The following DNAH9 variants were observed in gnomAD, a reference collection of about 807,000 sequenced individuals.
DNAH9 encodes the protein dynein axonemal heavy chain 9.
DNAH9 carries 345 observed loss-of-function variants against 471.6 expected under a neutral mutation model. The observed-to-expected ratio is 0.73, with a 90% confidence interval of 0.67 to 0.80. DNAH9 has a LOEUF of 0.80. DNAH9 is among the 30% of genes least tolerant of loss of function. The probability of loss-of-function intolerance (pLI) is 0.00; values close to 1 mark genes in which losing one functional copy is unlikely to be tolerated. For synonymous variants in DNAH9, 2,093 were observed against 2,123.6 expected (o/e 0.99, Z 0.40); for missense variants, 5,407 against 5,609.2 (o/e 0.96, Z 1.15).
intron 49 of DNAH9, among the ~76,000 whole-genome samples, chr17:11,838,634 G>A (rs960685785): frequency 4.6e-5 from 7 of 152,166 alleles, no homozygotes; most frequent in Non-Finnish European, 1.0e-4. Flanking sequence ...GGCTTAGAAG[G>A]TGATGTGGCA....
In DNAH9 at chr17:11,669,548, C is replaced by T; in HGVS notation, c.3107C>T (p.Thr1036Ile). The T allele has an allele frequency of 6.2e-7, 1 of 1,614,196 alleles. No homozygotes were observed. Among genetic ancestry groups the T allele is most frequent in the Non-Finnish European group, 8.5e-7 (1 of 1,180,036 alleles). ...TTTCTGCTGTACGGGCACATCCTCA[C>T]TCCGGAAGAAATTGAAGACCATGTG... ...GQFLLYGHIL[T>I]PEEIEDHVED... is the part of the protein sequence containing the mutation. The change falls in exon 17 of 69, where the codon ACT becomes ATT. Residue 1036 changes from threonine (T) to isoleucine (I), a missense_variant. Coordinates refer to ENST00000262442, the MANE Select transcript of DNAH9 (RefSeq NM_001372.4).
intron 35 of DNAH9, among the ~76,000 whole-genome samples, chr17:11,761,723 C>G (rs542547903): frequency 6.6e-6 from 1 of 152,162 alleles, no homozygotes; most frequent in Non-Finnish European, 1.5e-5. Flanking sequence ...AAGAGTCCTT[C>G]ACCAACTCGG....
intron 67 of DNAH9, among the ~76,000 whole-genome samples, chr17:11,955,857 T>G (rs1975614422): frequency 6.6e-6 from 1 of 152,208 alleles, no homozygotes; most frequent in Admixed American, 6.5e-5. Context: ...GCTGGTCACA[T>G]AGGCACCCTC....
intron 41 of DNAH9, among the ~76,000 whole-genome samples, chr17:11,793,205 C>G (rs1567806050): frequency 6.6e-6 from 1 of 152,222 alleles, no homozygotes; most frequent in Admixed American, 6.5e-5. Context: ...AACTAAGGCT[C>G]AGAGATGTCA....
chr17:11,962,911 A>G lies in DNAH9; in HGVS notation c.13233+655A>G, dbSNP rs935966659. 4.6e-5 allele frequency among the ~76,000 whole-genome samples: 7 copies of G among 152,228 alleles called. No individual in the cohort carries two copies. The highest frequency in any genetic ancestry group is 1.7e-4 in the African/African-American group (7 of 41,452). ...AAGTGGCATTTTGAAAGGATTCCTT[A>G]TCAAAGGCTAATAAAAACGTGAGTC... On this transcript the variant is annotated intron_variant, in intron 68 of 68. Coordinates refer to ENST00000262442, the MANE Select transcript of DNAH9 (RefSeq NM_001372.4). This position sits in a 1 kb window ranked among gnomAD's most constrained non-coding sequence, Gnocchi z 4.1.
intron 50 of DNAH9, among the ~76,000 whole-genome samples, chr17:11,859,284 C>T (rs1227957747): frequency 1.3e-5 from 2 of 150,544 alleles, no homozygotes; most frequent in Non-Finnish European, 3.0e-5. Context: ...TGCTGGTGGG[C>T]ACCTGTAATC....
At chr17:11,800,508 C>G (rs1322951964) in intron 43 of DNAH9, among the ~76,000 whole-genome samples, 1 of 152,176 alleles carries the variant, frequency 6.6e-6, no homozygotes, top group Non-Finnish European at 1.5e-5. Flanking sequence ...TTCCTTGCCT[C>G]TTACATTCCT....
At chr17:11,633,432 GA>G (rs1236661950) in intron 8 of DNAH9, among the ~76,000 whole-genome samples, 1 of 152,214 alleles carries the variant, frequency 6.6e-6, no homozygotes, top group Non-Finnish European at 1.5e-5. Flanking sequence ...TCTGGGCACT[GA>G]AAATGTTCAG....
intron 50 of DNAH9, among the ~76,000 whole-genome samples, chr17:11,865,942 T>C (rs1265293370): frequency 7.9e-5 from 12 of 152,310 alleles, no homozygotes; most frequent in African/African-American, 2.6e-4. Context: ...TCAAAGTTTT[T>C]AACTTCTTTG....
chr17:11,729,740 T>G (rs996941035), intron 28 of DNAH9, among the ~76,000 whole-genome samples: 1 of 152,202 alleles, frequency 6.6e-6, no homozygotes, highest in African/African-American at 2.4e-5. Context: ...GCATCATCCT[T>G]GTCCCCCTCT....
At chr17:11,619,829 C>G in intron 6 of DNAH9, 48 bp downstream of exon 6, 2 of 1,148,648 alleles carry the variant, frequency 1.7e-6, no homozygotes, top group Admixed American at 1.7e-5. Flanking sequence ...CAGAAAGAAG[C>G]AGTCCAGGGG....
intron 49 of DNAH9, among the ~76,000 whole-genome samples, chr17:11,842,097 A>T (rs924519888): frequency 6.6e-6 from 1 of 152,100 alleles, no homozygotes; most frequent in Non-Finnish European, 1.5e-5. Context: ...AACAAGTAAT[A>T]AAAAAAGATT....
chr17:11,947,352 C>T (rs1189756972), intron 67 of DNAH9, among the ~76,000 whole-genome samples: 1 of 152,148 alleles, frequency 6.6e-6, no homozygotes, highest in African/African-American at 2.4e-5. Flanking sequence ...ACAGACTGCC[C>T]AGAAATTATC....
At chr17:11,881,883 G>T (rs552368706) in intron 55 of DNAH9, among the ~76,000 whole-genome samples, 13 of 151,510 alleles carry the variant, frequency 8.6e-5, no homozygotes, top group African/African-American at 2.7e-4. Flanking sequence ...CTGCACTCCA[G>T]CCTGGAAATA....
chr17:11,884,429 G>T (rs573509153), intron 56 of DNAH9: 1 of 336,490 alleles, frequency 3.0e-6, no homozygotes, highest in East Asian at 8.8e-5. Flanking sequence ...TCAGTCTCGC[G>T]CTTGCATCAG....
chr17:11,733,721 G>A (rs2075302748), intron 28 of DNAH9, among the ~76,000 whole-genome samples: 2 of 152,140 alleles, frequency 1.3e-5, no homozygotes, highest in East Asian at 1.9e-4. Context: ...AGCCAGGCAT[G>A]GTGGTGGGAG....
At chr17:11,644,031 G>GGTA (rs2073330593) in intron 10 of DNAH9, among the ~76,000 whole-genome samples, 1 of 152,202 alleles carries the variant, frequency 6.6e-6, no homozygotes, top group Non-Finnish European at 1.5e-5. Flanking sequence ...AGTGGGTGGT[G>GGTA]AGTGAATGCG....
intron 65 of DNAH9, among the ~76,000 whole-genome samples, chr17:11,936,169 C>T (rs1189936380): frequency 2.0e-5 from 3 of 152,146 alleles, no homozygotes; most frequent in African/African-American, 7.2e-5. Context: ...CAGGCCTGCA[C>T]AGAACGCTGG....
chr17:11,705,313 A>T (rs959893431), intron 26 of DNAH9, 128 bp downstream of exon 26: 1 of 748,040 alleles, frequency 1.3e-6, no homozygotes, highest in Admixed American at 2.6e-5. Context: ...GGCCTGACTC[A>T]ACACAGCCTG....
Sources: allele counts gnomAD v4.1 joint callset (sites outside exome capture counted in the v4.1 genomes callset), GRCh38; gene constraint gnomAD v4.1.1; non-coding constraint Gnocchi (gnomAD v3.1); transcripts MANE v1.5; gene names NCBI Gene and HGNC (gene_info 2026-07-23, HGNC 2026-07-21).